SLC29A4: variants seen among roughly 807,000 people sequenced by gnomAD.
SLC29A4 encodes the protein solute carrier family 29 member 4, also known as equilibrative nucleoside transporter 4.
A neutral mutation model predicts 43.9 loss-of-function variants in SLC29A4; 36 were observed. That is an observed-to-expected ratio of 0.82 (90% CI 0.63 to 1.08). The LOEUF is 1.08. SLC29A4 is among the 50% of genes least tolerant of loss of function. SLC29A4 has a pLI of 0.00. For missense variants in SLC29A4, 869 were observed against 755.3 expected (o/e 1.15, Z -1.77); for synonymous variants, 491 against 338.0 (o/e 1.45, Z -4.97).
chr7:5,285,566 G>A (rs1193841756), intron 1 of SLC29A4, among the ~76,000 whole-genome samples: 1 of 152,224 alleles, frequency 6.6e-6, no homozygotes, highest in Non-Finnish European at 1.5e-5. Flanking sequence ...TAGAAGAGGG[G>A]GACATGGGGT....
intron 7 of SLC29A4, 42 bp downstream of exon 7, chr7:5,297,240 TTCTCTGTCCCCACC>T: frequency 7.2e-7 from 1 of 1,396,808 alleles, no homozygotes; most frequent in Non-Finnish European, 9.2e-7. Context: ...CTCTGTCCCC[TTCTCTGTCCCCACC>T]GCTTCGTCGG....
rs567524814 is a variant in SLC29A4 at position 5,300,456 on chromosome 7, C to A, written c.1244C>A (p.Thr415Asn). The A allele has an allele frequency of 6.2e-7, 1 of 1,611,176 alleles. No individual in the cohort carries two copies. The highest frequency in any genetic ancestry group is 1.3e-5 in the African/African-American group (1 of 74,842). ...LAALPVDWRG[T>N]HLLACSCLRV... The stretch of plus-strand genomic sequence containing the variant: ...GCCCTGCCCGTGGACTGGCGGGGCA[C>A]CCACCTGCTGGCCTGCTCCTGCCTG... Residue 415 changes from threonine to asparagine, a missense_variant, in exon 10 of 11, where the codon ACC becomes AAC. Physicochemically the swap from Thr to Asn is moderately conservative, Grantham distance 65. Transcript: ENST00000396872.
chr7:5,298,030 C>G (rs1292713247), intron 7 of SLC29A4, among the ~76,000 whole-genome samples: 1 of 152,194 alleles, frequency 6.6e-6, no homozygotes, highest in African/African-American at 2.4e-5. Context: ...CTTGGGGACA[C>G]CTGCAGGGTG....
Position 5,300,611 on chromosome 7 carries a change from C to G in SLC29A4, c.1399C>G (p.Pro467Ala), listed in dbSNP as rs771981850. The stretch of plus-strand genomic sequence containing the variant: ...CAGCAACGGCTACTTCGGCAGCGTG[C>G]CCATGATCCTGGCGGCAGGCAAAGT... ...GISNGYFGSV[P>A]MILAAGKVSP... Residue 467 changes from proline to alanine, a missense_variant, in exon 10 of 11, where the codon CCC (proline) becomes GCC (alanine). Pro to Ala is a conservative substitution (Grantham distance 27). Coordinates refer to ENST00000396872, the MANE Select transcript of SLC29A4 (RefSeq NM_153247.4). 8 of 1,610,558 alleles carry G rather than the reference C, an allele frequency of 5.0e-6. No individual in the cohort carries two copies. The South Asian group carries it at 8.8e-5, about 18-fold the overall frequency.
At chr7:5,298,453 G>A (rs534650479) in intron 7 of SLC29A4, among the ~76,000 whole-genome samples, 3 of 152,142 alleles carry the variant, frequency 2.0e-5, no homozygotes, top group Non-Finnish European at 4.4e-5. Flanking sequence ...TCAGAGGCTG[G>A]TAGAGGGTTC....
intron 6 of SLC29A4, 103 bp from the exon 7 acceptor site, chr7:5,296,833 G>T: frequency 1.5e-6 from 2 of 1,322,098 alleles, no homozygotes; most frequent in Non-Finnish European, 2.0e-6. Context: ...GTGGAGGGCG[G>T]GGCCGGTGGG....
chr7:5,287,203 T>TG (rs1785009086), intron 1 of SLC29A4, among the ~76,000 whole-genome samples: 1 of 152,102 alleles, frequency 6.6e-6, no homozygotes, highest in African/African-American at 2.4e-5. Flanking sequence ...AGGCAGGAGT[T>TG]GGAGTTGGAG....
At chr7:5,283,377 G>A (rs753639026) in intron 1 of SLC29A4, among the ~76,000 whole-genome samples, 10 of 151,834 alleles carry the variant, frequency 6.6e-5, no homozygotes, top group Non-Finnish European at 1.5e-4. Flanking sequence ...GTTCCTCCCC[G>A]GACCCCCCCG....
At chr7:5,301,091 C>T (rs555391766) in intron 10 of SLC29A4, among the ~76,000 whole-genome samples, 104 of 152,032 alleles carry the variant, frequency 6.8e-4, no homozygotes, top group Non-Finnish European at 9.1e-4. Context: ...AGAGCCTCTC[C>T]TCTCTACAAA....
rs1363850475 is a variant in SLC29A4, at chr7:5,291,836, C to A, written c.544+15C>A. On this transcript the variant is annotated intron_variant, in intron 5 of 10. Transcript: ENST00000396872. Reference sequence around the variant, plus strand: ...CGGCTGCACAGGTAGGAACCGGGGCCCAAGGGGGAGGCCTTGAGTGCCCAC... The same window carrying A: ...CGGCTGCACAGGTAGGAACCGGGGCACAAGGGGGAGGCCTTGAGTGCCCAC... The A allele has an allele frequency of 1.1e-5, 18 of 1,608,358 alleles. No individual in the cohort carries two copies. Among genetic ancestry groups the A allele is most frequent in the Non-Finnish European group, 1.2e-5 (14 of 1,177,802 alleles).
intron 1 of SLC29A4, among the ~76,000 whole-genome samples, chr7:5,283,841 A>G (rs1353415411): frequency 6.6e-6 from 1 of 152,136 alleles, no homozygotes; most frequent in African/African-American, 2.4e-5. Context: ...CCCGCTTTCC[A>G]AGTGGAATTC....
rs1335040765 is a variant in SLC29A4 at position 5,299,294 on chromosome 7, C to T, written c.1076C>T (p.Ser359Phe). The T allele has an allele frequency of 4.3e-6, 7 of 1,611,916 alleles. No individual in the cohort carries two copies. Among genetic ancestry groups the T allele is most frequent in the Non-Finnish European group, 5.1e-6 (6 of 1,179,902 alleles). The stretch of plus-strand genomic sequence containing the variant: ...CGGGTGATCTGGGCCGACATGCTCT[C>T]CATCGCCGTGACCTACTTCATCACG... Reference protein sequence around the residue: ...VARVIWADMLSIAVTYFITLC... With the variant: ...VARVIWADMLFIAVTYFITLC... Residue 359 changes from serine to phenylalanine, a missense_variant, in exon 9 of 11, where the codon TCC becomes TTC. Ser to Phe is a radical substitution (Grantham distance 155). Coordinates refer to ENST00000396872, the MANE Select transcript of SLC29A4 (RefSeq NM_153247.4).
At chr7:5,288,109 G>C in intron 2 of SLC29A4, 124 bp downstream of exon 2, 1 of 1,262,126 alleles carries the variant, frequency 7.9e-7, no homozygotes, top group Non-Finnish European at 1.1e-6. Flanking sequence ...GGCAGTGCCT[G>C]TCAGTGTGGA....
chr7:5,298,094 G>A (rs997246080), intron 7 of SLC29A4, among the ~76,000 whole-genome samples: 9 of 152,162 alleles, frequency 5.9e-5, no homozygotes, highest in African/African-American at 1.9e-4. Context: ...ATTGGTCCTC[G>A]TTCCTGAGGG....
chr7:5,302,369 G>C (rs1786227908), intron 10 of SLC29A4, among the ~76,000 whole-genome samples: 1 of 152,146 alleles, frequency 6.6e-6, no homozygotes, highest in African/African-American at 2.4e-5. Context: ...GCAAGACGGA[G>C]TCTCTACAAA....
chr7:5,285,096 G>GC (rs1784867021), intron 1 of SLC29A4, among the ~76,000 whole-genome samples: 1 of 152,188 alleles, frequency 6.6e-6, no homozygotes, highest in African/African-American at 2.4e-5. Context: ...CTGAAGAAGG[G>GC]CCCCGGGGTC....
intron 2 of SLC29A4, among the ~76,000 whole-genome samples, chr7:5,290,124 G>C (rs1785210734): frequency 6.7e-6 from 1 of 148,774 alleles, no homozygotes; most frequent in Admixed American, 6.9e-5. Flanking sequence ...CGCGATCTCG[G>C]CTCACTGCAA....
chr7:5,287,021 T>G (rs1259023688), intron 1 of SLC29A4, among the ~76,000 whole-genome samples: 2 of 152,216 alleles, frequency 1.3e-5, no homozygotes, highest in Non-Finnish European at 2.9e-5. Context: ...ACTGCCACCA[T>G]GCAGGCCACC....
At chr7:5,294,768 C>T (rs1382741457) in intron 5 of SLC29A4, 92 bp from the exon 6 acceptor site, 6 of 1,334,306 alleles carry the variant, frequency 4.5e-6, no homozygotes, top group Non-Finnish European at 6.5e-6. Context: ...GTTTACGCAC[C>T]CTCGTCCACC....
Sources: allele counts gnomAD v4.1 joint callset (sites outside exome capture counted in the v4.1 genomes callset), GRCh38; gene constraint gnomAD v4.1.1; transcripts MANE v1.5; gene names NCBI Gene and HGNC (gene_info 2026-07-23, HGNC 2026-07-21).